UNC93B1: variants seen among roughly 807,000 people sequenced by gnomAD.
UNC93B1 encodes protein unc-93 homolog B1.
In UNC93B1, 33 loss-of-function variants were observed where a neutral mutation model predicts 56.8. The observed-to-expected ratio is 0.58, with a 90% confidence interval of 0.44 to 0.78. The LOEUF is 0.78. Among genes scored for constraint, UNC93B1 ranks in the 30% least tolerant of loss-of-function variants. The pLI, the probability that UNC93B1 is intolerant of heterozygous loss-of-function variation, is 0.00. For synonymous variants in UNC93B1, 334 were observed against 358.6 expected (o/e 0.93, Z 0.77); for missense variants, 673 against 819.5 (o/e 0.82, Z 2.18).
rs374289063 is a variant in UNC93B1, at chr11:67,996,770, G to T, written c.921C>A (p.Cys307Ter). Residue 307 changes from cysteine (C) to a stop codon, truncating the protein, a stop_gained, in exon 8 of 11, where the codon TGC (cysteine) becomes TGA (stop). Transcript: ENST00000227471. LOFTEE classifies it high-confidence loss of function. ...CCTCCGTGGGCCGGTAAGCGGCTCCGCACAAACCCAGCACCTGCGAACCCA... is the reference window on the plus strand; with the variant it reads ...CCTCCGTGGGCCGGTAAGCGGCTCCTCACAAACCCAGCACCTGCGAACCCA... ...FLAMLLVLGL[C>*]GAAYRPTEEI... 2.6e-6 allele frequency: 4 copies of T among 1,558,374 alleles called. No homozygotes were observed. The highest frequency in any genetic ancestry group is 1.4e-5 in the African/African-American group (1 of 73,346).
chr11:68,003,235 A>G lies in UNC93B1; in HGVS notation c.239-60T>C, dbSNP rs576191117. 380 of 1,500,428 alleles carry G rather than the reference A, an allele frequency of 2.5e-4. 5 individuals are homozygous for G. The South Asian group carries it at 4.6e-3, about 18-fold the overall frequency. The allele number at this position is 1,500,428 out of a possible 1,614,324, so 92.9% of individuals were successfully genotyped here. A position where few individuals can be genotyped will look rare whatever the true frequency, so the allele number is the denominator to read the frequency against. On this transcript the variant is annotated intron_variant, in intron 2 of 10. Coordinates refer to ENST00000227471, the MANE Select transcript of UNC93B1 (RefSeq NM_030930.4). This position sits in a 1 kb window ranked among gnomAD's most constrained non-coding sequence, Gnocchi z 4.4. ...AGCCTAGCTTTGGGCGCCACCGAGC[A>G]GAAGACGGCATGCAGGCCTCGCAGG...
Position 68,003,396 on chromosome 11 carries a change from G to T in UNC93B1, c.239-221C>A. On this transcript the variant is annotated intron_variant, in intron 2 of 10. Transcript: ENST00000227471. The surrounding 1 kb of genome is among the most constrained non-coding windows in gnomAD (Gnocchi z 4.4). ...AGACCCCCACCCGCCTTGCTCCGCC[G>T]GCCTCCAATTCTGACGGTGGCAGGT... 1 of 815,822 alleles carries T rather than the reference G, an allele frequency of 1.2e-6. No individual in the cohort carries two copies. Among genetic ancestry groups the T allele is most frequent in the South Asian group, 2.0e-5 (1 of 50,310 alleles). 50.5% of individuals were successfully genotyped at this position (815,822 alleles called of 1,614,324 possible).
intron 7 of UNC93B1, 106 bp from the exon 8 acceptor site, chr11:67,996,890 C>A: frequency 4.5e-6 from 6 of 1,344,296 alleles, no homozygotes; most frequent in Middle Eastern, 2.7e-4. Context: ...TGCCCCAGCT[C>A]GGCCCCGCCT....
intron 3 of UNC93B1, among the ~76,000 whole-genome samples, chr11:68,001,594 G>A (rs1337194132): frequency 6.6e-6 from 1 of 151,944 alleles, no homozygotes; most frequent in East Asian, 1.9e-4. Flanking sequence ...GGTTGAGGAG[G>A]CAGTGAGCTG....
At chr11:67,995,537 C>T (rs367972646) in intron 9 of UNC93B1, 74 bp downstream of exon 9, 27 of 1,210,360 alleles carry the variant, frequency 2.2e-5, no homozygotes, top group Non-Finnish European at 2.8e-5. Context: ...GTCTATGTCT[C>T]GCCAACCACC....
At position 68,003,920 on chromosome 11, in the gene UNC93B1, G is replaced by C; in HGVS notation, c.96+28C>G. On this transcript the variant is annotated intron_variant, in intron 1 of 10. Transcript: ENST00000227471. The surrounding 1 kb of genome is among the most constrained non-coding windows in gnomAD (Gnocchi z 4.4). ...GGACCCTGGCCCACAGGGGACGCCC[G>C]CGCCTCGCACTCCGGGTCCCCGCTC... is the stretch of plus-strand genomic sequence containing the variant. 7.4e-7 allele frequency: 1 copy of C among 1,358,198 alleles called. No homozygotes were observed. The highest frequency in any genetic ancestry group is 9.5e-7 in the Non-Finnish European group (1 of 1,050,840). The allele number at this position is 1,358,198 out of a possible 1,614,324, so 84.1% of individuals were successfully genotyped here.
At chr11:68,000,794 C>G (rs1249322094) in intron 3 of UNC93B1, among the ~76,000 whole-genome samples, 1 of 152,194 alleles carries the variant, frequency 6.6e-6, no homozygotes, top group Non-Finnish European at 1.5e-5. Context: ...TTCAGTCTGC[C>G]AGTTACTGCC....
intron 7 of UNC93B1, among the ~76,000 whole-genome samples, chr11:67,997,083 A>G (rs1856960517): frequency 6.6e-6 from 1 of 151,884 alleles, no homozygotes; most frequent in African/African-American, 2.4e-5. Flanking sequence ...ACTCACATTC[A>G]GACAAATCCA....
chr11:68,003,279 G>A lies in UNC93B1; in HGVS notation c.239-104C>T. Reference sequence around the variant, plus strand: ...TCGCAGGGAGCTCCAATCACCGAAGGCATTCCCGCTGACAGCGCCCCTCAG... The same window carrying A: ...TCGCAGGGAGCTCCAATCACCGAAGACATTCCCGCTGACAGCGCCCCTCAG... On this transcript the variant is annotated intron_variant, in intron 2 of 10. Coordinates refer to ENST00000227471, the MANE Select transcript of UNC93B1 (RefSeq NM_030930.4). This position sits in a 1 kb window ranked among gnomAD's most constrained non-coding sequence, Gnocchi z 4.4. The A allele has an allele frequency of 7.6e-7, 1 of 1,316,516 alleles. No homozygotes were observed. The highest frequency in any genetic ancestry group is 1.0e-6 in the Non-Finnish European group (1 of 994,308). The allele number at this position is 1,316,516 out of a possible 1,614,324, so 81.6% of individuals were successfully genotyped here.
rs1333275341 is a variant in UNC93B1 at position 68,003,872 on chromosome 11, G to A, written c.97-74C>T. Reference sequence around the variant, plus strand: ...TGTCCCCCGGTGCCCGCCGCCCCCCGGCCCGCCCCGCCCCCGCCGGGGGGA... The same window carrying A: ...TGTCCCCCGGTGCCCGCCGCCCCCCAGCCCGCCCCGCCCCCGCCGGGGGGA... On this transcript the variant is annotated intron_variant, in intron 1 of 10. Transcript: ENST00000227471. This position sits in a 1 kb window ranked among gnomAD's most constrained non-coding sequence, Gnocchi z 4.4. The A allele has an allele frequency of 1.7e-5, 22 of 1,283,452 alleles. No individual in the cohort carries two copies. In the African/African-American group the frequency reaches 3.5e-4, roughly 20 times the overall value. The allele number at this position is 1,283,452 out of a possible 1,614,324, so 79.5% of individuals were successfully genotyped here.
rs576376217 is a variant in UNC93B1, at chr11:68,003,840, G to C, written c.97-42C>G. 6 of 1,423,514 alleles carry C rather than the reference G, an allele frequency of 4.2e-6. No homozygotes were observed. Among genetic ancestry groups the C allele is most frequent in the Middle Eastern group, 2.4e-4 (1 of 4,152 alleles). The allele number at this position is 1,423,514 out of a possible 1,614,324, so 88.2% of individuals were successfully genotyped here. A position where few individuals can be genotyped will look rare whatever the true frequency, so the allele number is the denominator to read the frequency against. ...CCGCTCGCACCCGCGATCGCGCCCCGAACCCGTGTCCCCCGGTGCCCGCCG... is the reference window on the plus strand; with the variant it reads ...CCGCTCGCACCCGCGATCGCGCCCCCAACCCGTGTCCCCCGGTGCCCGCCG... On this transcript the variant is annotated intron_variant, in intron 1 of 10. Transcript: ENST00000227471. This position sits in a 1 kb window ranked among gnomAD's most constrained non-coding sequence, Gnocchi z 4.4.
intron 8 of UNC93B1, 118 bp downstream of exon 8, chr11:67,996,484 T>C: frequency 1.5e-6 from 2 of 1,311,072 alleles, no homozygotes; most frequent in Middle Eastern, 4.7e-4. Flanking sequence ...GGGGGATATT[T>C]GGGATATACA....
At chr11:68,002,902 C>G in intron 3 of UNC93B1, 120 bp downstream of exon 3, 2 of 1,330,112 alleles carry the variant, frequency 1.5e-6, no homozygotes, top group South Asian at 3.1e-5. Flanking sequence ...AGAAAAAAAC[C>G]TCTCCCTTGT....
At chr11:67,998,244 C>A in intron 6 of UNC93B1, 115 bp downstream of exon 6, 2 of 1,248,168 alleles carry the variant, frequency 1.6e-6, no homozygotes, top group Non-Finnish European at 1.2e-6. Flanking sequence ...TCTTGCCCAC[C>A]AGAGCCGTGG....
At chr11:68,000,341 A>G (rs894047339) in intron 3 of UNC93B1, among the ~76,000 whole-genome samples, 1 of 152,216 alleles carries the variant, frequency 6.6e-6, no homozygotes, top group Non-Finnish European at 1.5e-5. Context: ...AAAAATGTGC[A>G]TTCACTGCTG....
At position 67,999,761 on chromosome 11, in the gene UNC93B1, G is replaced by A. The variant is rs1011131390; in HGVS notation, c.393-81C>T. On this transcript the variant is annotated intron_variant, in intron 3 of 10. Coordinates refer to ENST00000227471, the MANE Select transcript of UNC93B1 (RefSeq NM_030930.4). ...GAAGCCAAACGGGGCCACAACCGCA[G>A]GTCCCAGCTCACAGGGCTTTGTGAG... 2.6e-6 allele frequency: 4 copies of A among 1,528,634 alleles called. No homozygotes were observed. In the African/African-American group the frequency reaches 5.5e-5, roughly 21 times the overall value. The allele number at this position is 1,528,634 out of a possible 1,614,324, so 94.7% of individuals were successfully genotyped here. A position where few individuals can be genotyped will look rare whatever the true frequency, so the allele number is the denominator to read the frequency against.
rs1376487158 is a variant in UNC93B1, at chr11:67,996,732, C to T, written c.959G>A (p.Arg320His). ...AYRPTEEIDL[R>H]SVGWGNIFQL... is the part of the protein sequence containing the mutation. ...GAAGATGTTGCCCCAGCCCACGCTG[C>T]GCAGATCGATCTCCTCCGTGGGCCG... is the stretch of plus-strand genomic sequence containing the variant. The change falls in exon 8 of 11, where the codon CGC becomes CAC. Residue 320 changes from arginine (R) to histidine (H), a missense_variant. Physicochemically the swap from Arg to His is conservative, Grantham distance 29 (BLOSUM62 0). This residue lies in a region of UNC93B1 where 438 missense variants were observed against 465.9 expected (regional missense o/e 0.94). Transcript: ENST00000227471. 6.4e-7 allele frequency: 1 copy of T among 1,557,632 alleles called. No homozygotes were observed. The highest frequency in any genetic ancestry group is 1.4e-5 in the African/African-American group (1 of 73,360).
rs1319681584 is a variant in UNC93B1 at position 67,993,898 on chromosome 11, G to A, written c.1364-104C>T. 1.7e-5 allele frequency: 14 copies of A among 819,206 alleles called. No individual in the cohort carries two copies. In the Middle Eastern group the frequency reaches 1.0e-3, roughly 60 times the overall value. The allele number at this position is 819,206 out of a possible 1,614,324, so 50.7% of individuals were successfully genotyped here. A position where few individuals can be genotyped will look rare whatever the true frequency, so the allele number is the denominator to read the frequency against. The stretch of plus-strand genomic sequence containing the variant: ...TTTACTAAGCCCTGTATGGGTCCCA[G>A]CCCCGGACCAGAGAGCGCCTAGAAA... On this transcript the variant is annotated intron_variant, in intron 9 of 10. Transcript: ENST00000227471.
At chr11:67,994,866 C>A (rs1010520249) in intron 9 of UNC93B1, among the ~76,000 whole-genome samples, 1 of 152,228 alleles carries the variant, frequency 6.6e-6, no homozygotes, top group East Asian at 1.9e-4. Flanking sequence ...CATGGATGCC[C>A]GGCAGGACTG....
Sources: allele counts gnomAD v4.1 joint callset (sites outside exome capture counted in the v4.1 genomes callset), GRCh38; gene constraint gnomAD v4.1.1; regional missense constraint gnomAD v4.1.1; non-coding constraint Gnocchi (gnomAD v3.1); transcripts MANE v1.5; gene names NCBI Gene and HGNC (gene_info 2026-07-23, HGNC 2026-07-21).